The following DAB1 variants were observed in gnomAD, a reference collection of about 807,000 sequenced individuals.
DAB1 encodes the protein disabled homolog 1.
DAB1 carries 15 observed loss-of-function variants against 64.6 expected under a neutral mutation model. The ratio of observed to expected loss-of-function variants is 0.23; its 90% CI spans 0.16 to 0.36. The LOEUF is 0.36. DAB1 is among the 10% of genes least tolerant of loss of function. The pLI is 1.00. For synonymous variants in DAB1, 235 were observed against 251.9 expected (o/e 0.93, Z 0.64); for missense variants, 596 against 706.7 (o/e 0.84, Z 1.78).
chr1:57,231,287 G>A (rs1041557674), intron 2 of DAB1, among the ~76,000 whole-genome samples: 75 of 152,264 alleles, frequency 4.9e-4, no homozygotes, highest in African/African-American at 1.8e-3. Flanking sequence ...AGACAAGGCT[G>A]GGAATTTCTT....
chr1:57,550,812 T>G (rs1644905617), intron 7 of DAB1, among the ~76,000 whole-genome samples: 1 of 152,238 alleles, frequency 6.6e-6, no homozygotes, highest in Non-Finnish European at 1.5e-5. Flanking sequence ...TTTAGTATCT[T>G]GTCTGAGTCA....
chr1:57,439,061 G>T (rs1685808120), intron 7 of DAB1, among the ~76,000 whole-genome samples: 2 of 152,170 alleles, frequency 1.3e-5, no homozygotes, highest in South Asian at 4.1e-4. Context: ...TCAAGGGTGG[G>T]TAGAGAACTT....
intron 8 of DAB1, among the ~76,000 whole-genome samples, chr1:57,063,207 T>A (rs1423612266): frequency 6.6e-6 from 1 of 151,754 alleles, no homozygotes. Flanking sequence ...AATCAAAGAC[T>A]AGAAACTTAC....
chr1:57,837,687 T>C (rs1652866157), intron 1 of DAB1, among the ~76,000 whole-genome samples: 1 of 152,160 alleles, frequency 6.6e-6, no homozygotes, highest in Non-Finnish European at 1.5e-5. Context: ...TCTCTTGCTG[T>C]GATTTCCCCC....
intron 7 of DAB1, among the ~76,000 whole-genome samples, chr1:57,642,668 C>T (rs1558568937): frequency 1.3e-5 from 2 of 152,236 alleles, no homozygotes; most frequent in South Asian, 2.1e-4. Context: ...CAGCTCTTCA[C>T]ACAGGCAGAC....
intron 6 of DAB1, among the ~76,000 whole-genome samples, chr1:57,786,361 C>T (rs1026439646): frequency 3.3e-5 from 5 of 152,044 alleles, no homozygotes; most frequent in African/African-American, 9.7e-5. Context: ...CTATTAATGG[C>T]TACCATTAAT....
chr1:58,332,255 A>T (rs949829648), intron 4 of DAB1, among the ~76,000 whole-genome samples: 2 of 151,850 alleles, frequency 1.3e-5, no homozygotes, highest in Non-Finnish European at 2.9e-5. Context: ...ATTATTTATG[A>T]CCTCACCTGT....
chr1:58,060,844 TGAC>T (rs1264174229), intron 5 of DAB1, among the ~76,000 whole-genome samples: 1 of 152,232 alleles, frequency 6.6e-6, no homozygotes, highest in Admixed American at 6.5e-5. Context: ...TTTCCTGCCA[TGAC>T]ATCACATTAC....
At chr1:57,773,602 A>G (rs988902526) in intron 6 of DAB1, among the ~76,000 whole-genome samples, 2 of 151,922 alleles carry the variant, frequency 1.3e-5, no homozygotes, top group African/African-American at 4.8e-5. Context: ...TGAATATTTG[A>G]TTATATATTT....
At chr1:57,040,901 G>A (rs1647687026) in intron 9 of DAB1, among the ~76,000 whole-genome samples, 1 of 152,172 alleles carries the variant, frequency 6.6e-6, no homozygotes, top group African/African-American at 2.4e-5. Context: ...AAACACTTTT[G>A]GGGAGGAGGG....
chr1:57,007,997 TG>T (rs1453942178), intron 14 of DAB1, among the ~76,000 whole-genome samples: 3 of 152,240 alleles, frequency 2.0e-5, no homozygotes, highest in African/African-American at 7.2e-5. Flanking sequence ...ATAGTGGCTA[TG>T]TCTGCAAAGC....
At chr1:58,029,411 CA>C (rs1479373675) in intron 5 of DAB1, among the ~76,000 whole-genome samples, 18 of 152,096 alleles carry the variant, frequency 1.2e-4, no homozygotes, top group Non-Finnish European at 1.5e-5. Flanking sequence ...CCCAGGGCCA[CA>C]AAAAAATCAA....
intron 5 of DAB1, among the ~76,000 whole-genome samples, chr1:57,944,458 A>G (rs1645155157): frequency 6.6e-6 from 1 of 152,294 alleles, no homozygotes; most frequent in Non-Finnish European, 1.5e-5. Flanking sequence ...ATGTCCCACA[A>G]GATACTATAG....
At chr1:57,004,504 C>T (rs745336951) in intron 14 of DAB1, among the ~76,000 whole-genome samples, 61 of 152,114 alleles carry the variant, frequency 4.0e-4, no homozygotes, top group Admixed American at 1.2e-3. Context: ...CTACTTATGC[C>T]CCATCCCGGG....
At chr1:57,436,371 T>G (rs1040486353) in intron 7 of DAB1, among the ~76,000 whole-genome samples, 3 of 152,156 alleles carry the variant, frequency 2.0e-5, no homozygotes, top group Non-Finnish European at 4.4e-5. Flanking sequence ...ATATGACGGA[T>G]CAAACTACTC....
chr1:57,360,922 C>T (rs766685725), intron 1 of DAB1, among the ~76,000 whole-genome samples: 3 of 152,102 alleles, frequency 2.0e-5, no homozygotes, highest in African/African-American at 7.2e-5. Flanking sequence ...ATTTACAATA[C>T]TTTTTATATG....
chr1:57,217,350 T>C (rs1237325673), intron 2 of DAB1, among the ~76,000 whole-genome samples: 1 of 152,166 alleles, frequency 6.6e-6, no homozygotes, highest in African/African-American at 2.4e-5. Flanking sequence ...TTGGTCAGCC[T>C]TATGGGGCCT....
chr1:57,756,956 G>A (rs549840786), intron 6 of DAB1, among the ~76,000 whole-genome samples: 17 of 152,126 alleles, frequency 1.1e-4, no homozygotes, highest in Non-Finnish European at 2.4e-4. Context: ...GAAACAAAAA[G>A]AGCCACCAGA....
At chr1:57,781,154 A>C (rs1175816727) in intron 6 of DAB1, among the ~76,000 whole-genome samples, 80 of 99,684 alleles carry the variant, frequency 8.0e-4, no homozygotes, top group African/African-American at 1.2e-3. Context: ...ATATATATAT[A>C]TATATATATA....
Sources: gnomAD v4.1 joint callset for allele counts (sites outside exome capture counted in the v4.1 genomes callset) on GRCh38, gnomAD v4.1.1 for gene constraint, MANE v1.5 for transcripts, NCBI Gene and HGNC (gene_info 2026-07-23, HGNC 2026-07-21) for gene names.